The following SETBP1 variants were observed in gnomAD, a reference collection of about 807,000 sequenced individuals.
SETBP1 encodes the protein SET binding protein 1, also known as SET-binding protein.
In SETBP1, 9 loss-of-function variants were observed where a neutral mutation model predicts 101.0. That is an observed-to-expected ratio of 0.09 (90% CI 0.05 to 0.16). The LOEUF (loss-of-function observed/expected upper bound fraction) is 0.16, where lower values mean the gene tolerates loss of function less well. SETBP1 is among the 10% of genes least tolerant of loss of function. The pLI is 1.00. For missense variants in SETBP1, 1,858 were observed against 2,033.8 expected (o/e 0.91, Z 1.66); for synonymous variants, 818 against 788.5 (o/e 1.04, Z -0.63).
rs151071118 is a variant in SETBP1 at position 44,751,678 on chromosome 18, G to A, written c.486+49846G>A. On this transcript the variant is annotated intron_variant, in intron 2 of 5. Transcript: ENST00000649279. ...TATGCTTTTTCGTATTTCTCAAAGTGTAAACAGTTTTCTTTTTCTTAGTAA... is the reference window on the plus strand; with the variant it reads ...TATGCTTTTTCGTATTTCTCAAAGTATAAACAGTTTTCTTTTTCTTAGTAA... 5.9e-5 allele frequency among the ~76,000 whole-genome samples: 9 copies of A among 152,290 alleles called. No individual in the cohort carries two copies. In the East Asian group the frequency reaches 1.7e-3, roughly 29 times the overall value.
chr18:44,844,348 C>CGT (rs1555689960), intron 2 of SETBP1, among the ~76,000 whole-genome samples: 966 of 27,986 alleles, frequency 0.035, 9 homozygotes, highest in African/African-American at 0.12. Flanking sequence ...CGTGCACACA[C>CGT]GCGCGCACAC....
chr18:44,794,444 T>A (rs1221416924), intron 2 of SETBP1, among the ~76,000 whole-genome samples: 1 of 152,124 alleles, frequency 6.6e-6, no homozygotes, highest in Non-Finnish European at 1.5e-5. Context: ...CAGAGGGGAC[T>A]TCCAGGAAGA....
At chr18:45,034,862 G>A (rs2073365015) in intron 4 of SETBP1, among the ~76,000 whole-genome samples, 1 of 152,160 alleles carries the variant, frequency 6.6e-6, no homozygotes, top group Non-Finnish European at 1.5e-5. Context: ...CTCTGTGTAA[G>A]CAGTGGTGCT....
At chr18:44,864,599 AGG>A (rs2069088472) in intron 2 of SETBP1, among the ~76,000 whole-genome samples, 2 of 152,246 alleles carry the variant, frequency 1.3e-5, no homozygotes. Context: ...TGGTTTGAGC[AGG>A]GCCCCAGGAA....
At chr18:44,979,993 T>C (rs2072076504) in intron 4 of SETBP1, among the ~76,000 whole-genome samples, 1 of 152,246 alleles carries the variant, frequency 6.6e-6, no homozygotes, top group Non-Finnish European at 1.5e-5. Flanking sequence ...CAAATGTTGA[T>C]CCAGTGTCAC....
intron 2 of SETBP1, among the ~76,000 whole-genome samples, chr18:44,803,545 C>T (rs950709403): frequency 6.6e-6 from 1 of 152,140 alleles, no homozygotes; most frequent in Non-Finnish European, 1.5e-5. Context: ...ATTATTTTCT[C>T]TCTTGATTAC....
intron 1 of SETBP1, among the ~76,000 whole-genome samples, chr18:44,700,295 G>A (rs181123803): frequency 1.1e-3 from 162 of 152,176 alleles, no homozygotes; most frequent in African/African-American, 3.7e-3. Flanking sequence ...GGAAGATCCT[G>A]GGGGGACTCC....
intron 2 of SETBP1, among the ~76,000 whole-genome samples, chr18:44,781,368 A>G (rs1181993733): frequency 6.6e-6 from 1 of 151,928 alleles, no homozygotes; most frequent in East Asian, 1.9e-4. Flanking sequence ...TCTGATTGGC[A>G]TAACTCCCAC....
chr18:44,705,875 G>A (rs1417076429), intron 2 of SETBP1, among the ~76,000 whole-genome samples: 1 of 152,176 alleles, frequency 6.6e-6, no homozygotes, highest in Non-Finnish European at 1.5e-5. Context: ...GGTAAGTTGT[G>A]AGGAGGAGCC....
Position 44,832,537 on chromosome 18 carries a change from A to T in SETBP1, c.487-36693A>T, listed in dbSNP as rs1206658237. 2.0e-5 allele frequency among the ~76,000 whole-genome samples: 3 copies of T among 152,204 alleles called. No homozygotes were observed. The East Asian group carries it at 5.8e-4, about 29-fold the overall frequency. ...ATTTCCTCCAAATCCCAGGATGCAA[A>T]CTAGTCATGGCAGAACTAGATATCC... On this transcript the variant is annotated intron_variant, in intron 2 of 5. Coordinates refer to ENST00000649279, the MANE Select transcript of SETBP1 (RefSeq NM_015559.3).
intron 3 of SETBP1, among the ~76,000 whole-genome samples, chr18:44,933,392 G>A (rs929999797): frequency 1.1e-4 from 16 of 152,304 alleles, no homozygotes; most frequent in African/African-American, 3.4e-4. Flanking sequence ...TAGGCTACTC[G>A]GGGGTCAGGG....
chr18:44,906,783 G>C (rs963567427), intron 3 of SETBP1, among the ~76,000 whole-genome samples: 4 of 152,122 alleles, frequency 2.6e-5, no homozygotes, highest in African/African-American at 9.7e-5. Flanking sequence ...ATCTTGTTTT[G>C]GTGGTCATGC....
chr18:44,761,881 T>C (rs1207626995), intron 2 of SETBP1, among the ~76,000 whole-genome samples: 3 of 152,242 alleles, frequency 2.0e-5, no homozygotes, highest in Non-Finnish European at 4.4e-5. Flanking sequence ...TATAGGTTTT[T>C]TGATGTCCGA....
In SETBP1 at chr18:44,950,356, A is replaced by T; in HGVS notation, c.1016A>T (p.Lys339Ile). 1 of 1,614,102 alleles carries T rather than the reference A, an allele frequency of 6.2e-7. No homozygotes were observed. Among genetic ancestry groups the T allele is most frequent in the Non-Finnish European group, 8.5e-7 (1 of 1,180,042 alleles). The change falls in exon 4 of 6, where the codon AAA becomes ATA. Residue 339 changes from lysine (K) to isoleucine (I), a missense_variant. By Grantham distance (102) the Lys-to-Ile change is moderately radical (BLOSUM62 -3). This residue lies in a region of SETBP1 where 581 missense variants were observed against 535.1 expected (regional missense o/e 1.09). Transcript: ENST00000649279. ...PTVGSKKKSS[K>I]KDVISQTIPN... ...GTGGGCAGCAAGAAAAAGTCCAGTA[A>T]AAAAGATGTGATAAGTCAGACCATA...
chr18:44,694,430 T>C (rs1046767429), intron 1 of SETBP1, among the ~76,000 whole-genome samples: 1 of 152,226 alleles, frequency 6.6e-6, no homozygotes, highest in Non-Finnish European at 1.5e-5. Flanking sequence ...CAGGCTGGTC[T>C]CGAACTCCTG....
intron 2 of SETBP1, among the ~76,000 whole-genome samples, chr18:44,863,478 C>T (rs2045888247): frequency 6.6e-6 from 1 of 152,216 alleles, no homozygotes; most frequent in African/African-American, 2.4e-5. Context: ...AACAATTTTC[C>T]TTACCCGTAG....
chr18:45,003,766 C>T (rs992022408), intron 4 of SETBP1, among the ~76,000 whole-genome samples: 3 of 151,736 alleles, frequency 2.0e-5, no homozygotes. Flanking sequence ...GTTGCATAGG[C>T]ACCCAAATGT....
chr18:44,869,754 T>G (rs1413665249), intron 3 of SETBP1: 1 of 248,054 alleles, frequency 4.0e-6, no homozygotes, highest in Non-Finnish European at 8.0e-6. Flanking sequence ...TTTGCTGATC[T>G]TGGTCAGGAA....
intron 2 of SETBP1, among the ~76,000 whole-genome samples, chr18:44,847,327 G>T (rs150546229): frequency 2.0e-4 from 31 of 152,312 alleles, no homozygotes; most frequent in African/African-American, 7.5e-4. Flanking sequence ...ACGCAGTTCT[G>T]CCACGGTGCC....
Sources: gnomAD v4.1 joint callset for allele counts (sites outside exome capture counted in the v4.1 genomes callset) on GRCh38, gnomAD v4.1.1 for gene constraint, gnomAD v4.1.1 regional missense constraint, MANE v1.5 for transcripts, NCBI Gene and HGNC (gene_info 2026-07-23, HGNC 2026-07-21) for gene names.